TENM2: variants seen among roughly 807,000 people sequenced by gnomAD.
TENM2 encodes teneurin-2.
Under a neutral mutation model 245.2 loss-of-function variants are expected in TENM2, and 52 were observed. The observed-to-expected ratio is 0.21, with a 90% confidence interval of 0.17 to 0.27. The LOEUF (loss-of-function observed/expected upper bound fraction) is 0.27. Among genes scored for constraint, TENM2 ranks in the 10% least tolerant of loss-of-function variants. The pLI, the probability that TENM2 is intolerant of heterozygous loss-of-function variation, is 1.00. For missense variants in TENM2, 3,046 were observed against 3,666.8 expected (o/e 0.83, Z 4.37); for synonymous variants, 1,363 against 1,438.9 (o/e 0.95, Z 1.19).
intron 2 of TENM2, among the ~76,000 whole-genome samples, chr5:167,647,896 A>G (rs1216167227): frequency 1.3e-5 from 2 of 152,116 alleles, no homozygotes; most frequent in Non-Finnish European, 2.9e-5. Context: ...TCCTACGTTC[A>G]ATCTTTCGGT....
At chr5:167,466,635 A>C (rs754852142) in intron 2 of TENM2, among the ~76,000 whole-genome samples, 4 of 152,202 alleles carry the variant, frequency 2.6e-5, no homozygotes, top group Non-Finnish European at 4.4e-5. Context: ...AAATATAGTA[A>C]AGTTTTCATT....
rs780328417 is a variant in TENM2, at chr5:168,158,829, G to GTA, written c.2423-3761_2423-3760dup. On this transcript the variant is annotated intron_variant, in intron 12 of 28. Coordinates refer to ENST00000518659, the Ensembl canonical transcript of TENM2. The stretch of plus-strand genomic sequence containing the variant: ...AAAATGTGTGTGTGTGTGTGTGTGT[G>GTA]TATATATATATATATATATATACAC... 1.6e-3 allele frequency among the ~76,000 whole-genome samples: 101 copies of GTA among 63,730 alleles called. 1 individual carries two copies. Among genetic ancestry groups the GTA allele is most frequent in the South Asian group, 2.1e-3 (4 of 1,864 alleles). The allele number at this position is 63,730 out of a possible 152,430, so 41.8% of individuals were successfully genotyped here.
chr5:168,238,741 C>T (rs890999276), intron 25 of TENM2, among the ~76,000 whole-genome samples: 1 of 152,090 alleles, frequency 6.6e-6, no homozygotes, highest in African/African-American at 2.4e-5. Flanking sequence ...GAGATCAAAA[C>T]GTTCTGGGGG....
intron 2 of TENM2, among the ~76,000 whole-genome samples, chr5:167,481,729 C>G (rs1767770120): frequency 6.6e-6 from 1 of 152,202 alleles, no homozygotes; most frequent in Non-Finnish European, 1.5e-5. Flanking sequence ...GATAGTAACA[C>G]TGACTTTGAG....
chr5:167,117,420 G>A, the TENM2 span, among the ~76,000 whole-genome samples: 7 of 152,174 alleles, frequency 4.6e-5, no homozygotes, highest in African/African-American at 1.2e-4. Flanking sequence ...GGAGAATGGC[G>A]TGAACCCGGG....
At chr5:168,260,546 G>A (rs905886603) in intron 28 of TENM2, 133 bp downstream of exon 30, 2 of 1,020,336 alleles carry the variant, frequency 2.0e-6, no homozygotes, top group Non-Finnish European at 2.9e-6. Context: ...AGGACACATT[G>A]AGACTTCCCA....
At chr5:167,613,967 A>G (rs571632778) in intron 2 of TENM2, among the ~76,000 whole-genome samples, 49 of 152,286 alleles carry the variant, frequency 3.2e-4, no homozygotes, top group Middle Eastern at 3.4e-3. Flanking sequence ...GTATATAGAA[A>G]GGTATTTGAA....
chr5:167,989,092 A>T (rs1362727356), intron 4 of TENM2, among the ~76,000 whole-genome samples: 1 of 152,146 alleles, frequency 6.6e-6, no homozygotes, highest in Non-Finnish European at 1.5e-5. Context: ...AGATAACAGG[A>T]GTAAGGAATA....
At chr5:167,238,994 A>G in the TENM2 span, among the ~76,000 whole-genome samples, 71 of 152,318 alleles carry the variant, frequency 4.7e-4, no homozygotes, top group Admixed American at 1.6e-3. Flanking sequence ...GTATTTGCAT[A>G]CTTGGTTCGT....
chr5:167,136,667 A>T, the TENM2 span, among the ~76,000 whole-genome samples: 1 of 152,180 alleles, frequency 6.6e-6, no homozygotes, highest in Non-Finnish European at 1.5e-5. Flanking sequence ...TTCTGCTACT[A>T]AAGTGACCAA....
the TENM2 span, among the ~76,000 whole-genome samples, chr5:167,127,483 A>G: frequency 6.6e-6 from 1 of 152,206 alleles, no homozygotes; most frequent in Non-Finnish European, 1.5e-5. Flanking sequence ...TCATTTTACT[A>G]CAATGAAAGT....
chr5:167,445,273 A>G lies in TENM2; in HGVS notation c.502+69800A>G, dbSNP rs191294802. On this transcript the variant is annotated intron_variant, in intron 2 of 28. Transcript: ENST00000518659. The stretch of plus-strand genomic sequence containing the variant: ...CCAATCATGTTTGTTCATTCCGAAG[A>G]TACTTACTATATGTCAGGCTTATTA... Among the ~76,000 whole-genome samples the G allele has an allele frequency of 2.0e-5, 3 of 149,214 alleles. No homozygotes were observed. The East Asian group carries it at 6.0e-4, about 30-fold the overall frequency.
the TENM2 span, among the ~76,000 whole-genome samples, chr5:167,006,028 G>C: frequency 2.0e-5 from 3 of 152,016 alleles, no homozygotes; most frequent in Non-Finnish European, 2.9e-5. Context: ...GGTAGGACAT[G>C]GTAGGAGAGG....
the TENM2 span, among the ~76,000 whole-genome samples, chr5:167,204,754 A>G: frequency 6.6e-6 from 1 of 152,184 alleles, no homozygotes; most frequent in Admixed American, 6.5e-5. Flanking sequence ...GCTTTCTTCA[A>G]AAGCTCAAGA....
At chr5:167,336,012 A>T (rs1474179366) in intron 1 of TENM2, among the ~76,000 whole-genome samples, 1 of 152,060 alleles carries the variant, frequency 6.6e-6, no homozygotes, top group East Asian at 1.9e-4. Flanking sequence ...ACTATCTCAG[A>T]CCACACAATA....
rs1017140502 is a variant in TENM2 at position 167,912,478 on chromosome 5, T to C, written c.712+36283T>C. 3.3e-5 allele frequency among the ~76,000 whole-genome samples: 5 copies of C among 152,224 alleles called. 1 individual carries two copies. Among genetic ancestry groups the C allele is most frequent in the Non-Finnish European group, 7.3e-5 (5 of 68,036 alleles). ...CAGTTCATTGTTGTTCTCCAGCAGG[T>C]AGTACAGTGGTAGCACATAGTAGTC... is the stretch of plus-strand genomic sequence containing the variant. On this transcript the variant is annotated intron_variant, in intron 3 of 28. Coordinates refer to ENST00000518659, the Ensembl canonical transcript of TENM2.
intron 2 of TENM2, among the ~76,000 whole-genome samples, chr5:167,468,505 T>C (rs145002208): frequency 2.6e-4 from 40 of 152,322 alleles, no homozygotes; most frequent in Middle Eastern, 3.4e-3. Context: ...CTGTAATACA[T>C]TTACATATAT....
At chr5:167,797,546 GCAGC>G (rs1765407714) in intron 2 of TENM2, among the ~76,000 whole-genome samples, 2 of 152,218 alleles carry the variant, frequency 1.3e-5, no homozygotes, top group African/African-American at 4.8e-5. Flanking sequence ...GGGGCTAATA[GCAGC>G]ACTATTGTAA....
rs556888888 is a variant in TENM2, at chr5:167,546,029, T to A, written c.502+170556T>A. Reference sequence around the variant, plus strand: ...ATCACATATGAAGCAGCTCATTCAATGTTCAGAACACTCATTCGAGTCAGA... The same window carrying A: ...ATCACATATGAAGCAGCTCATTCAAAGTTCAGAACACTCATTCGAGTCAGA... On this transcript the variant is annotated intron_variant, in intron 2 of 28. Coordinates refer to ENST00000518659, the Ensembl canonical transcript of TENM2. Among the ~76,000 whole-genome samples the A allele has an allele frequency of 9.8e-5, 15 of 152,342 alleles. No homozygotes were observed. In the South Asian group the frequency reaches 2.9e-3, roughly 29 times the overall value.
Sources: gnomAD v4.1 joint callset for allele counts (sites outside exome capture counted in the v4.1 genomes callset) on GRCh38, gnomAD v4.1.1 for gene constraint, MANE v1.5 for transcripts, NCBI Gene and HGNC (gene_info 2026-07-23, HGNC 2026-07-21) for gene names.